ULK4: variants seen among roughly 807,000 people sequenced by gnomAD.
ULK4 encodes the protein inactive serine/threonine-protein kinase ULK4.
ULK4 carries 133 observed loss-of-function variants against 160.6 expected under a neutral mutation model. That is an observed-to-expected ratio of 0.83 (90% CI 0.72 to 0.96). The LOEUF (loss-of-function observed/expected upper bound fraction) is 0.96, where lower values mean the gene tolerates loss of function less well. Among genes scored for constraint, ULK4 ranks in the 40% least tolerant of loss-of-function variants. ULK4 has a pLI of 0.00. For missense variants in ULK4, 1,580 were observed against 1,499.5 expected (o/e 1.05, Z -0.89); for synonymous variants, 534 against 539.8 (o/e 0.99, Z 0.15).
At chr3:41,595,825 T>C (rs1289305448) in intron 31 of ULK4, among the ~76,000 whole-genome samples, 2 of 152,120 alleles carry the variant, frequency 1.3e-5, no homozygotes, top group Admixed American at 6.5e-5. Context: ...ACCTACTAAG[T>C]AGCTGAGGGA....
At chr3:41,627,394 C>T (rs1279996038) in intron 30 of ULK4, among the ~76,000 whole-genome samples, 1 of 152,158 alleles carries the variant, frequency 6.6e-6, no homozygotes, top group Non-Finnish European at 1.5e-5. Context: ...CAGTTTTTAT[C>T]TACTCATAAA....
intron 35 of ULK4, among the ~76,000 whole-genome samples, chr3:41,353,893 AC>A (rs2080975227): frequency 6.6e-6 from 1 of 151,972 alleles, no homozygotes; most frequent in Middle Eastern, 3.2e-3. Flanking sequence ...CGGTGACTAA[AC>A]ACCTTAGAAG....
chr3:41,609,460 C>T (rs942280947), intron 31 of ULK4, among the ~76,000 whole-genome samples: 1 of 152,014 alleles, frequency 6.6e-6, no homozygotes, highest in Non-Finnish European at 1.5e-5. Context: ...TTTTCATTCC[C>T]AAAAGAAACA....
In ULK4 at chr3:41,911,374, T is replaced by G. The variant is rs1698778237; in HGVS notation, c.1028A>C (p.Glu343Ala). 6.2e-7 allele frequency: 1 copy of G among 1,614,100 alleles called. No individual in the cohort carries two copies. ...CTCAAGAGTACTCTTAGGCCGAAAC[T>G]CAGTTGGATTTTCTGTAGCAGGAAA... ...GHSFRLENPT[E>A]FRPKSTLEGQ... The change falls in exon 11 of 37, where the codon GAG becomes GCG. Residue 343 changes from glutamate to alanine, a missense_variant. Transcript: ENST00000301831.
At chr3:41,617,121 C>A (rs1284510588) in intron 30 of ULK4, among the ~76,000 whole-genome samples, 1 of 152,218 alleles carries the variant, frequency 6.6e-6, no homozygotes, top group Non-Finnish European at 1.5e-5. Flanking sequence ...ACAGACAAAA[C>A]CCCAATCTCC....
intron 32 of ULK4, among the ~76,000 whole-genome samples, chr3:41,543,756 C>T (rs910000989): frequency 6.6e-6 from 1 of 152,120 alleles, no homozygotes; most frequent in African/African-American, 2.4e-5. Context: ...AAAGTGATGA[C>T]TTATTTTCAA....
At chr3:41,824,387 G>A (rs1056014600) in intron 18 of ULK4, among the ~76,000 whole-genome samples, 17 of 152,142 alleles carry the variant, frequency 1.1e-4, no homozygotes, top group South Asian at 2.1e-4. Flanking sequence ...CCGGGGAAGC[G>A]CAAGGGGTCA....
intron 17 of ULK4, among the ~76,000 whole-genome samples, chr3:41,856,788 C>T (rs906492472): frequency 5.3e-5 from 8 of 151,444 alleles, no homozygotes; most frequent in Non-Finnish European, 1.0e-4. Context: ...CCTCTGTGGT[C>T]CCAGCTACTT....
intron 34 of ULK4, among the ~76,000 whole-genome samples, chr3:41,412,771 G>T (rs2082435532): frequency 6.6e-6 from 1 of 151,730 alleles, no homozygotes; most frequent in African/African-American, 2.4e-5. Context: ...ATGTTGCCCA[G>T]GTTGGTCTCG....
At chr3:41,673,384 C>T (rs530399732) in intron 29 of ULK4, among the ~76,000 whole-genome samples, 19 of 152,098 alleles carry the variant, frequency 1.2e-4, no homozygotes, top group Non-Finnish European at 1.9e-4. Flanking sequence ...CTACACAACC[C>T]TACAGTGTGT....
intron 11 of ULK4, among the ~76,000 whole-genome samples, chr3:41,908,527 C>T (rs1056678138): frequency 3.3e-5 from 5 of 151,998 alleles, no homozygotes; most frequent in African/African-American, 1.2e-4. Context: ...CTCACTGCAA[C>T]CTCCACCTCC....
At chr3:41,500,517 T>C (rs994747015) in intron 32 of ULK4, among the ~76,000 whole-genome samples, 2 of 152,136 alleles carry the variant, frequency 1.3e-5, no homozygotes, top group African/African-American at 4.8e-5. Context: ...GGAGGCAACC[T>C]TTCTTCAGGA....
chr3:41,826,142 A>T (rs2041342675), intron 18 of ULK4, among the ~76,000 whole-genome samples: 1 of 152,188 alleles, frequency 6.6e-6, no homozygotes, highest in Non-Finnish European at 1.5e-5. Flanking sequence ...CCTGCCCTAC[A>T]AGAGCTCCTG....
intron 32 of ULK4, among the ~76,000 whole-genome samples, chr3:41,543,205 TTC>T (rs2086752991): frequency 6.6e-6 from 1 of 152,036 alleles, no homozygotes; most frequent in Non-Finnish European, 1.5e-5. Context: ...TGGTGCTTCT[TTC>T]TGTGTCTCAT....
chr3:41,280,505 C>T (rs1268131072), intron 35 of ULK4, among the ~76,000 whole-genome samples: 3 of 152,204 alleles, frequency 2.0e-5, no homozygotes, highest in Non-Finnish European at 4.4e-5. Context: ...TTAAGAAACT[C>T]ACTCAAAACC....
In ULK4 at chr3:41,566,055, C is replaced by A; in HGVS notation, c.3196G>T (p.Asp1066Tyr). 1 of 1,613,712 alleles carries A rather than the reference C, an allele frequency of 6.2e-7. No individual in the cohort carries two copies. Residue 1066 changes from aspartate to tyrosine, a missense_variant, in exon 32 of 37, where the codon GAT (aspartate) becomes TAT (tyrosine). Transcript: ENST00000301831. Reference sequence around the variant, plus strand: ...TCATAAAGTAGTTCCATATTCGAATCTTTGCAGGCAACTAGATTGCTGAGT... The same window carrying A: ...TCATAAAGTAGTTCCATATTCGAATATTTGCAGGCAACTAGATTGCTGAGT... ...ALLSNLVACK[D>Y]SNMELLYEQG...
At chr3:41,780,460 G>A (rs1267715187) in intron 21 of ULK4, among the ~76,000 whole-genome samples, 1 of 151,946 alleles carries the variant, frequency 6.6e-6, no homozygotes. Flanking sequence ...TAGAGTCAAC[G>A]AAGCACACAG....
At chr3:41,565,987 C>A in intron 32 of ULK4, 38 bp downstream of exon 32, 1 of 1,551,818 alleles carries the variant, frequency 6.4e-7, no homozygotes, top group Non-Finnish European at 8.9e-7. Context: ...AATGAATAGG[C>A]AAAACTTGAT....
intron 30 of ULK4, among the ~76,000 whole-genome samples, chr3:41,660,431 C>G (rs752292833): frequency 5.3e-5 from 8 of 152,188 alleles, no homozygotes; most frequent in Non-Finnish European, 8.8e-5. Context: ...AATGAGACTT[C>G]TCAGTATCTA....
Sources: allele counts gnomAD v4.1 joint callset (sites outside exome capture counted in the v4.1 genomes callset), GRCh38; gene constraint gnomAD v4.1.1; transcripts MANE v1.5; gene names NCBI Gene and HGNC (gene_info 2026-07-23, HGNC 2026-07-21).